The following LPIN1 variants were observed in gnomAD, a reference collection of about 807,000 sequenced individuals.
The protein encoded by LPIN1 is lipin 1, also known as phosphatidate phosphatase LPIN1.
A neutral mutation model predicts 107.5 loss-of-function variants in LPIN1; 71 were observed. That is an observed-to-expected ratio of 0.66 (90% confidence interval 0.55 to 0.80). The LOEUF is 0.80. LPIN1 is among the 30% of genes least tolerant of loss of function. The pLI, the probability that LPIN1 is intolerant of heterozygous loss-of-function variation, is 0.00. For missense variants in LPIN1, 1,043 were observed against 1,160.6 expected (o/e 0.90, Z 1.47); for synonymous variants, 445 against 452.6 (o/e 0.98, Z 0.21).
intron 12 of LPIN1, chr2:11,791,568 A>G (rs963241600): frequency 1.7e-5 from 15 of 858,938 alleles, no homozygotes; most frequent in Non-Finnish European, 2.2e-5. Context: ...GAGTAATGAT[A>G]TCTTAACCAG....
At chr2:11,749,769 T>A (rs958818126) in intron 1 of LPIN1, among the ~76,000 whole-genome samples, 1 of 152,294 alleles carries the variant, frequency 6.6e-6, no homozygotes, top group African/African-American at 2.4e-5. Flanking sequence ...TGGACTGGGC[T>A]CCATCAGGAG....
At position 11,798,556 on chromosome 2, in the gene LPIN1, CA is replaced by C. The variant is rs1370391488; in HGVS notation, c.1886+3075del. On this transcript the variant is annotated intron_variant, in intron 14 of 20. Coordinates refer to ENST00000674199, the MANE Select transcript of LPIN1 (RefSeq NM_001349206.2). ...CCGATACAATCATATTCAAATGGGG[CA>C]AAAAATGCTTTTTCCCATCAAATAG... Among the ~76,000 whole-genome samples the C allele has an allele frequency of 2.6e-5, 4 of 151,986 alleles. No homozygotes were observed. The East Asian group carries it at 7.7e-4, about 29-fold the overall frequency.
intron 10 of LPIN1, among the ~76,000 whole-genome samples, chr2:11,785,960 A>AT (rs1558908586): frequency 6.6e-6 from 1 of 152,118 alleles, no homozygotes; most frequent in Non-Finnish European, 1.5e-5. Context: ...AGGGCCACAC[A>AT]TTAATACCCA....
intron 2 of LPIN1, among the ~76,000 whole-genome samples, chr2:11,718,715 T>C (rs911251997): frequency 9.9e-5 from 15 of 152,224 alleles, no homozygotes; most frequent in African/African-American, 3.1e-4. Context: ...TCTTATTTTT[T>C]CCTACTGGAA....
At position 11,824,652 on chromosome 2, in the gene LPIN1, T is replaced by C. The variant is rs1487232617; in HGVS notation, c.2642T>C (p.Val881Ala). The C allele has an allele frequency of 6.2e-7, 1 of 1,614,052 alleles. No homozygotes were observed. The highest frequency in any genetic ancestry group is 1.7e-5 in the Admixed American group (1 of 60,004). ...NISSYVRLCE[V>A]VDHVFPLLKR... is the part of the protein sequence containing the mutation. ...TCCAGGTATGTGAGACTCTGTGAAGTAGTCGACCACGTTTTCCCGTTGCTG... is the reference window on the plus strand; with the variant it reads ...TCCAGGTATGTGAGACTCTGTGAAGCAGTCGACCACGTTTTCCCGTTGCTG... The change falls in exon 21 of 21, where the codon GTA becomes GCA. Residue 881 changes from valine (V) to alanine (A), a missense_variant. Transcript: ENST00000674199.
chr2:11,822,306 C>T (rs888191137), intron 20 of LPIN1, among the ~76,000 whole-genome samples: 2 of 149,568 alleles, frequency 1.3e-5, no homozygotes, highest in Admixed American at 6.7e-5. Context: ...AAAAAATTAG[C>T]CAGGCATGGC....
In LPIN1 at chr2:11,815,202, G is replaced by T. The variant is rs575311733; in HGVS notation, c.2364G>T (p.Leu788=). 23 of 1,614,168 alleles carry T rather than the reference G, an allele frequency of 1.4e-5. No individual in the cohort carries two copies. The East Asian group carries it at 4.5e-4, about 31-fold the overall frequency. Reference sequence around the variant, plus strand: ...GCACGGTGCTGCCCCAGGGGCCCCTGCTGCTGAGTCCCAGCAGCCTCTTCT... The same window carrying T: ...GCACGGTGCTGCCCCAGGGGCCCCTTCTGCTGAGTCCCAGCAGCCTCTTCT... ...ERGTVLPQGP[L]LLSPSSLFSA... Residue 788 remains leucine, a synonymous_variant, in exon 18 of 21, where the codon CTG becomes CTT. Transcript: ENST00000674199.
chr2:11,799,099 C>T (rs562324766), intron 14 of LPIN1, among the ~76,000 whole-genome samples: 13 of 152,274 alleles, frequency 8.5e-5, no homozygotes, highest in South Asian at 4.2e-4. Flanking sequence ...TGCAGGGTGG[C>T]GCAATCTGAG....
intron 1 of LPIN1, among the ~76,000 whole-genome samples, chr2:11,679,239 A>G (rs1465055281): frequency 2.0e-5 from 3 of 152,182 alleles, no homozygotes; most frequent in Non-Finnish European, 4.4e-5. Context: ...GGACTTTTGC[A>G]CAGCACCTTG....
intron 3 of LPIN1, among the ~76,000 whole-genome samples, chr2:11,770,256 A>G (rs1033829598): frequency 2.0e-5 from 3 of 152,146 alleles, no homozygotes; most frequent in African/African-American, 7.2e-5. Flanking sequence ...CTGGCCTGAC[A>G]GGGTGCCTGT....
intron 7 of LPIN1, among the ~76,000 whole-genome samples, chr2:11,781,620 A>G (rs531833373): frequency 6.6e-6 from 1 of 152,368 alleles, no homozygotes; most frequent in African/African-American, 2.4e-5. Context: ...TGTTTTGGGA[A>G]TAAACTTTAT....
At chr2:11,788,827 G>GCAGACA (rs936089170) in intron 12 of LPIN1, among the ~76,000 whole-genome samples, 2 of 152,198 alleles carry the variant, frequency 1.3e-5, no homozygotes, top group Non-Finnish European at 1.5e-5. Context: ...AGGGTCAGGT[G>GCAGACA]CAGGTGCCCT....
intron 1 of LPIN1, among the ~76,000 whole-genome samples, chr2:11,747,015 G>C (rs913242314): frequency 2.0e-5 from 3 of 152,210 alleles, no homozygotes; most frequent in African/African-American, 7.2e-5. Context: ...AGAACCGCGG[G>C]GACTAGCTCC....
At chr2:11,764,598 A>G (rs906002941) in intron 1 of LPIN1, among the ~76,000 whole-genome samples, 4 of 152,252 alleles carry the variant, frequency 2.6e-5, no homozygotes, top group Non-Finnish European at 5.9e-5. Context: ...ACAGCTGGCC[A>G]GCAGCCCAGA....
At chr2:11,699,706 G>A (rs934881707) in intron 1 of LPIN1, among the ~76,000 whole-genome samples, 2 of 152,160 alleles carry the variant, frequency 1.3e-5, no homozygotes, top group Non-Finnish European at 2.9e-5. Flanking sequence ...AGTGACCACC[G>A]TGTGCTGGGC....
intron 2 of LPIN1, chr2:11,741,553 T>TCCTGAA: frequency 1.4e-6 from 1 of 733,948 alleles, no homozygotes; most frequent in Admixed American, 2.5e-5. Flanking sequence ...CCACTCGAGC[T>TCCTGAA]CAGGAGTTTG....
intron 1 of LPIN1, among the ~76,000 whole-genome samples, chr2:11,739,204 T>A (rs1206073088): frequency 1.3e-5 from 2 of 152,084 alleles, no homozygotes; most frequent in African/African-American, 4.8e-5. Context: ...TCCGGACAGG[T>A]CCATGAGGCA....
At chr2:11,695,191 C>T (rs185338281) in intron 1 of LPIN1, among the ~76,000 whole-genome samples, 36 of 152,298 alleles carry the variant, frequency 2.4e-4, no homozygotes, top group African/African-American at 8.4e-4. Flanking sequence ...TAAACACCGC[C>T]TTCATGGAGT....
At chr2:11,795,805 A>C (rs563980203) in intron 14 of LPIN1, among the ~76,000 whole-genome samples, 1 of 152,244 alleles carries the variant, frequency 6.6e-6, no homozygotes, top group African/African-American at 2.4e-5. Context: ...AGTGAGAATA[A>C]TGACAGTGAT....
Sources: allele counts gnomAD v4.1 joint callset (sites outside exome capture counted in the v4.1 genomes callset), GRCh38; gene constraint gnomAD v4.1.1; transcripts MANE v1.5; gene names NCBI Gene and HGNC (gene_info 2026-07-23, HGNC 2026-07-21).